The following DDX52 variants were observed in gnomAD, a reference collection of about 807,000 sequenced individuals.
DDX52 encodes DExD-box helicase 52.
DDX52 carries 59 observed loss-of-function variants against 76.1 expected under a neutral mutation model. The ratio of observed to expected loss-of-function variants is 0.78; its 90% CI spans 0.63 to 0.96. The LOEUF (loss-of-function observed/expected upper bound fraction) is 0.96, where lower values mean the gene tolerates loss of function less well. Ranked by LOEUF, DDX52 falls within the 40% of genes least tolerant of loss-of-function variation. DDX52 has a pLI of 0.00. For synonymous variants in DDX52, 231 were observed against 244.1 expected (o/e 0.95, Z 0.50); for missense variants, 707 against 703.9 (o/e 1.00, Z -0.05).
chr17:37,610,585 A>G lies in DDX52; in HGVS notation c.*3711T>C, dbSNP rs897112325. 6.6e-6 allele frequency: 1 copy of G among 152,162 alleles called. No individual in the cohort carries two copies. The highest frequency in any genetic ancestry group is 1.5e-5 in the Non-Finnish European group (1 of 68,022). 9.4% of individuals were successfully genotyped at this position (152,162 alleles called of 1,614,324 possible). The stretch of plus-strand genomic sequence containing the variant: ...AGGTTTTTACTGGGTAATAATTTGT[A>G]ATAAGTTATTAGGCACAAACCACTG... On this transcript the variant is annotated 3_prime_UTR_variant, in exon 15 of 15. Coordinates refer to ENST00000617633, the MANE Select transcript of DDX52 (RefSeq NM_007010.5).
At chr17:37,627,596 TC>T (rs2030451484) in intron 6 of DDX52, among the ~76,000 whole-genome samples, 1 of 150,078 alleles carries the variant, frequency 6.7e-6, no homozygotes, top group Non-Finnish European at 1.5e-5. Flanking sequence ...AATCTTTTTT[TC>T]CCCCAGGAAA....
At chr17:37,623,709 C>T (rs2030218273) in intron 9 of DDX52, among the ~76,000 whole-genome samples, 1 of 152,192 alleles carries the variant, frequency 6.6e-6, no homozygotes, top group South Asian at 2.1e-4. Context: ...ATTTGGCTCA[C>T]CCTGGTGGCC....
chr17:37,624,472 ATTTTTGCTT>A (rs1251202069), intron 8 of DDX52, 38 bp from the exon 9 acceptor site: 1 of 1,509,278 alleles, frequency 6.6e-7, no homozygotes, highest in Non-Finnish European at 8.9e-7. Context: ...GTAAGAGTTA[ATTTTTGCTT>A]TTTCCCCTGA....
At chr17:37,626,151 T>C (rs1241125270) in intron 7 of DDX52, 53 bp from the exon 8 acceptor site, 1 of 1,589,232 alleles carries the variant, frequency 6.3e-7, no homozygotes, top group Non-Finnish European at 8.6e-7. Context: ...TCCAAGACAC[T>C]TCACTAAACT....
chr17:37,628,411 G>A, intron 6 of DDX52, 150 bp downstream of exon 6: 1 of 625,042 alleles, frequency 1.6e-6, no homozygotes. Flanking sequence ...CTTCTCAGTA[G>A]AGTGAGAAGG....
At chr17:37,619,028 A>C (rs2147337868) in intron 13 of DDX52, among the ~76,000 whole-genome samples, 1 of 152,362 alleles carries the variant, frequency 6.6e-6, no homozygotes, top group South Asian at 2.1e-4. Context: ...AACTAAAATA[A>C]TTCTCAGCAT....
intron 6 of DDX52, among the ~76,000 whole-genome samples, chr17:37,627,366 C>T (rs1011296275): frequency 3.3e-5 from 5 of 152,070 alleles, no homozygotes; most frequent in South Asian, 2.1e-4. Context: ...CCCGCCACCA[C>T]GCCCAGCTAA....
chr17:37,635,667 T>C (rs1317047428), intron 2 of DDX52: 1 of 455,136 alleles, frequency 2.2e-6, no homozygotes, highest in Non-Finnish European at 4.4e-6. Flanking sequence ...TATGAAAATT[T>C]GTGTACAAGT....
At position 37,621,423 on chromosome 17, in the gene DDX52, A is replaced by T. The variant is rs867524683; in HGVS notation, c.1325T>A (p.Ile442Asn). ...LIYEGINVDV[I>N]HAERTQQQRD... is the part of the protein sequence containing the mutation. ...CTGTTGTTGTGTTCTCTCTGCATGA[A>T]TAACATCCACATTAATACCTTCATA... Residue 442 changes from isoleucine to asparagine, a missense_variant, in exon 10 of 15, where the codon ATT (isoleucine) becomes AAT (asparagine). Physicochemically the swap from Ile to Asn is moderately radical, Grantham distance 149. Transcript: ENST00000617633. The T allele has an allele frequency of 2.5e-6, 4 of 1,613,476 alleles. No individual in the cohort carries two copies. Among genetic ancestry groups the T allele is most frequent in the Non-Finnish European group, 3.4e-6 (4 of 1,179,828 alleles).
intron 2 of DDX52, among the ~76,000 whole-genome samples, chr17:37,634,292 A>C (rs1203560083): frequency 6.6e-6 from 1 of 151,974 alleles, no homozygotes; most frequent in Non-Finnish European, 1.5e-5. Flanking sequence ...CTATATGTAA[A>C]CAACCAACAA....
chr17:37,610,754 T>G lies in DDX52; in HGVS notation c.*3542A>C, dbSNP rs1454425877. On this transcript the variant is annotated 3_prime_UTR_variant, in exon 15 of 15. Transcript: ENST00000617633. ...AGCTACAAGCAATGAGGATCAGGAT[T>G]CAAATCCAGGCCAGTTTGACTCTAA... 1 of 152,216 alleles carries G rather than the reference T, an allele frequency of 6.6e-6. No homozygotes were observed. Among genetic ancestry groups the G allele is most frequent in the Non-Finnish European group, 1.5e-5 (1 of 68,042 alleles). The allele number at this position is 152,216 out of a possible 1,614,324, so 9.4% of individuals were successfully genotyped here.
chr17:37,631,331 A>G (rs929618438), intron 4 of DDX52: 1 of 152,294 alleles, frequency 6.6e-6, no homozygotes, highest in Non-Finnish European at 1.5e-5. Flanking sequence ...ATACAGAAGA[A>G]TCTCAAAGCA....
intron 2 of DDX52, chr17:37,639,498 G>A (rs556835960): frequency 4.1e-6 from 4 of 985,504 alleles, no homozygotes; most frequent in Admixed American, 6.0e-5. Flanking sequence ...AGCACTTTGG[G>A]AGCCCAAGGT....
chr17:37,624,823 G>A (rs1051918981), intron 8 of DDX52, among the ~76,000 whole-genome samples: 1 of 151,906 alleles, frequency 6.6e-6, no homozygotes, highest in Non-Finnish European at 1.5e-5. Flanking sequence ...CCAACAGTTA[G>A]GGGTGAGATA....
rs2064380930 is a variant in DDX52 at position 37,612,621 on chromosome 17, ATC to A, written c.*1673_*1674del. 6.6e-6 allele frequency: 1 copy of A among 152,188 alleles called. No individual in the cohort carries two copies. Among genetic ancestry groups the A allele is most frequent in the South Asian group, 2.1e-4 (1 of 4,826 alleles). The allele number at this position is 152,188 out of a possible 1,614,324, so 9.4% of individuals were successfully genotyped here. ...CCTAACGATGCATTTCTCAGAACATATCTCTGTCATTAAGTGATGCGTGACTC... is the reference window on the plus strand; with the variant it reads ...CCTAACGATGCATTTCTCAGAACATATCTGTCATTAAGTGATGCGTGACTC... On this transcript the variant is annotated 3_prime_UTR_variant, in exon 15 of 15. Coordinates refer to ENST00000617633, the MANE Select transcript of DDX52 (RefSeq NM_007010.5).
At chr17:37,627,836 T>C (rs192507419) in intron 6 of DDX52, among the ~76,000 whole-genome samples, 5 of 152,178 alleles carry the variant, frequency 3.3e-5, no homozygotes, top group Admixed American at 3.3e-4. Flanking sequence ...GGTGCAATCA[T>C]AGCTCATGGC....
At position 37,611,707 on chromosome 17, in the gene DDX52, C is replaced by G. The variant is rs935725796; in HGVS notation, c.*2589G>C. ...CGAGATCATGCCACTGCACTCCAGCCTGGGCAACAGAGCAAGACTCCATCT... is the reference window on the plus strand; with the variant it reads ...CGAGATCATGCCACTGCACTCCAGCGTGGGCAACAGAGCAAGACTCCATCT... On this transcript the variant is annotated 3_prime_UTR_variant, in exon 15 of 15. Transcript: ENST00000617633. 7 of 139,834 alleles carry G rather than the reference C, an allele frequency of 5.0e-5. No individual in the cohort carries two copies. The highest frequency in any genetic ancestry group is 1.9e-4 in the African/African-American group (7 of 36,698). 8.7% of individuals were successfully genotyped at this position (139,834 alleles called of 1,614,324 possible). A position where few individuals can be genotyped will look rare whatever the true frequency, so the allele number is the denominator to read the frequency against.
rs573137839 is a variant in DDX52, at chr17:37,642,029, G to A, written c.286+81C>T. 40 of 1,556,358 alleles carry A rather than the reference G, an allele frequency of 2.6e-5. No individual in the cohort carries two copies. The South Asian group carries it at 2.9e-4, about 11-fold the overall frequency. ...CAGCTGACAAATGACCTTATTGTCT[G>A]ACTTGTAGCCATAAGCCTGTATTAT... On this transcript the variant is annotated intron_variant, in intron 2 of 14. Coordinates refer to ENST00000617633, the MANE Select transcript of DDX52 (RefSeq NM_007010.5).
At chr17:37,617,048 T>A (rs1026685151) in intron 14 of DDX52, among the ~76,000 whole-genome samples, 1 of 152,208 alleles carries the variant, frequency 6.6e-6, no homozygotes, top group African/African-American at 2.4e-5. Flanking sequence ...TTATCTCCTA[T>A]TTTATTTAAA....
Sources: gnomAD v4.1 joint callset for allele counts (sites outside exome capture counted in the v4.1 genomes callset) on GRCh38, gnomAD v4.1.1 for gene constraint, MANE v1.5 for transcripts, NCBI Gene and HGNC (gene_info 2026-07-23, HGNC 2026-07-21) for gene names.